The following ALPK2 variants were observed in gnomAD, a reference collection of about 807,000 sequenced individuals.
ALPK2 encodes the protein alpha kinase 2, also known as alpha-protein kinase 2.
A neutral mutation model predicts 163.1 loss-of-function variants in ALPK2; 127 were observed. That is an observed-to-expected ratio of 0.78 (90% CI 0.67 to 0.90). ALPK2 has a LOEUF of 0.90. Ranked by LOEUF, ALPK2 falls within the 40% of genes least tolerant of loss-of-function variation. The probability of loss-of-function intolerance (pLI) is 0.00; values close to 1 mark genes in which losing one functional copy is unlikely to be tolerated. For synonymous variants in ALPK2, 953 were observed against 959.1 expected (o/e 0.99, Z 0.12); for missense variants, 2,360 against 2,589.6 (o/e 0.91, Z 1.92).
At chr18:58,551,410 T>G (rs2051759469) in intron 4 of ALPK2, among the ~76,000 whole-genome samples, 1 of 152,214 alleles carries the variant, frequency 6.6e-6, no homozygotes. Flanking sequence ...CCATCTTCCC[T>G]CTATATCTTT....
intron 1 of ALPK2, among the ~76,000 whole-genome samples, chr18:58,618,364 T>G (rs1046407826): frequency 6.6e-5 from 10 of 152,186 alleles, no homozygotes; most frequent in Non-Finnish European, 1.0e-4. Flanking sequence ...CACATTTTAA[T>G]AGCTACTCTA....
chr18:58,498,328 C>T (rs553591955), intron 11 of ALPK2, among the ~76,000 whole-genome samples: 27 of 152,294 alleles, frequency 1.8e-4, no homozygotes, highest in Middle Eastern at 3.4e-3. Flanking sequence ...GCCCTCTCGG[C>T]TCTGGAAATG....
At chr18:58,589,668 AC>A (rs1485080992) in intron 3 of ALPK2, among the ~76,000 whole-genome samples, 1 of 152,194 alleles carries the variant, frequency 6.6e-6, no homozygotes, top group Non-Finnish European at 1.5e-5. Flanking sequence ...TGCTCATCCT[AC>A]CCTAAGGGTC....
At chr18:58,510,513 A>G (rs1237729022) in intron 10 of ALPK2, among the ~76,000 whole-genome samples, 1 of 152,074 alleles carries the variant, frequency 6.6e-6, no homozygotes, top group African/African-American at 2.4e-5. Context: ...CTTCCTACCT[A>G]TGAGCATGGA....
In ALPK2 at chr18:58,579,774, A is replaced by G. The variant is rs770265182; in HGVS notation, c.1002T>C (p.Asp334=). 26 of 1,614,070 alleles carry G rather than the reference A, an allele frequency of 1.6e-5. No homozygotes were observed. The highest frequency in any genetic ancestry group is 2.0e-5 in the Non-Finnish European group (24 of 1,180,036). The change falls in exon 4 of 13, where the codon GAT becomes GAC. Residue 334 remains aspartate, a synonymous_variant. Coordinates refer to ENST00000361673, the MANE Select transcript of ALPK2 (RefSeq NM_052947.4). ...DDDLEYLECS[D]VMTDYSNAVW... is the part of the protein sequence containing the mutation. The stretch of plus-strand genomic sequence containing the variant: ...CTGCATTAGAGTAATCCGTCATAAC[A>G]TCAGAACATTCCAGATACTCCAGGT...
chr18:58,504,305 G>A (rs1183657301), intron 10 of ALPK2, among the ~76,000 whole-genome samples, 157 bp from the exon 11 acceptor site: 1 of 152,180 alleles, frequency 6.6e-6, no homozygotes, highest in Non-Finnish European at 1.5e-5. Context: ...TTTTTAGTGG[G>A]TAAGATATGT....
At chr18:58,515,287 CG>C (rs891017884) in intron 9 of ALPK2, among the ~76,000 whole-genome samples, 26 of 152,192 alleles carry the variant, frequency 1.7e-4, no homozygotes, top group African/African-American at 6.3e-4. Flanking sequence ...AGGAACTGTC[CG>C]GGTGGAGATC....
chr18:58,522,230 C>T (rs1300025195), intron 8 of ALPK2, among the ~76,000 whole-genome samples: 3 of 152,152 alleles, frequency 2.0e-5, no homozygotes, highest in Non-Finnish European at 4.4e-5. Context: ...GAGCTGATGA[C>T]GGGCGGCTCT....
chr18:58,591,885 G>A (rs1218403729), intron 3 of ALPK2, among the ~76,000 whole-genome samples: 2 of 152,194 alleles, frequency 1.3e-5, no homozygotes, highest in African/African-American at 2.4e-5. Context: ...GGGAAAGTGA[G>A]GCTGGCCCAG....
chr18:58,557,168 G>A (rs997806349), intron 4 of ALPK2: 3 of 152,342 alleles, frequency 2.0e-5, no homozygotes, highest in Non-Finnish European at 4.4e-5. Context: ...CTGCCCAGCA[G>A]GGCTGGCCAC....
At chr18:58,625,770 C>G (rs2052226554) in intron 1 of ALPK2, among the ~76,000 whole-genome samples, 1 of 152,174 alleles carries the variant, frequency 6.6e-6, no homozygotes, top group African/African-American at 2.4e-5. Flanking sequence ...AGGGCTGGCC[C>G]TTGAGAGGGA....
intron 10 of ALPK2, among the ~76,000 whole-genome samples, chr18:58,509,248 A>G (rs1438941303): frequency 2.6e-5 from 4 of 152,112 alleles, no homozygotes; most frequent in East Asian, 1.9e-4. Flanking sequence ...ATTCCATGGT[A>G]TATATGTGCC....
intron 4 of ALPK2, 59 bp from the exon 5 acceptor site, chr18:58,538,283 A>T: frequency 1.4e-6 from 2 of 1,424,992 alleles, no homozygotes; most frequent in Non-Finnish European, 1.9e-6. Flanking sequence ...ACAATAGGGC[A>T]TAACTGCAAT....
chr18:58,498,177 G>T, intron 11 of ALPK2, 80 bp from the exon 12 acceptor site: 1 of 1,347,058 alleles, frequency 7.4e-7, no homozygotes, highest in South Asian at 1.2e-5. Flanking sequence ...CCCCAGGGAA[G>T]GGGTAATGAC....
At position 58,607,413 on chromosome 18, in the gene ALPK2, A is replaced by G. The variant is rs759564147; in HGVS notation, c.136T>C (p.Tyr46His). ...SGQPKPEVTWYKNGQAIDGSG... is the reference protein window; with the variant it reads ...SGQPKPEVTWHKNGQAIDGSG... ...CCATCGATGGCCTGACCATTCTTAT[A>G]CCAAGTTACCTCTGGCTTGGGCTGA... The change falls in exon 3 of 13, where the codon TAT becomes CAT. Residue 46 changes from tyrosine (Y) to histidine (H), a missense_variant. By Grantham distance (83) the Tyr-to-His change is moderately conservative. Transcript: ENST00000361673. The G allele has an allele frequency of 1.4e-5, 23 of 1,613,136 alleles. No homozygotes were observed. The highest frequency in any genetic ancestry group is 1.9e-5 in the Non-Finnish European group (23 of 1,179,628).
Position 58,537,563 on chromosome 18 carries a change from G to T in ALPK2, c.2624C>A (p.Thr875Lys), listed in dbSNP as rs201127471. 6.2e-7 allele frequency: 1 copy of T among 1,614,008 alleles called. No homozygotes were observed. The highest frequency in any genetic ancestry group is 8.5e-7 in the Non-Finnish European group (1 of 1,179,926). Residue 875 changes from threonine to lysine, a missense_variant, in exon 5 of 13, where the codon ACG (threonine) becomes AAG (lysine). By Grantham distance (78) the Thr-to-Lys change is moderately conservative. Coordinates refer to ENST00000361673, the MANE Select transcript of ALPK2 (RefSeq NM_052947.4). ...QTQVSETSVS[T>K]CKSSKDGNSV... ...GTTGCCGTCCTTGCTGCTTTTGCACGTAGACACTGAAGTCTCAGACACTTG... is the reference window on the plus strand; with the variant it reads ...GTTGCCGTCCTTGCTGCTTTTGCACTTAGACACTGAAGTCTCAGACACTTG...
At chr18:58,487,701 G>C (rs995439267) in intron 12 of ALPK2, among the ~76,000 whole-genome samples, 2 of 151,986 alleles carry the variant, frequency 1.3e-5, no homozygotes, top group Non-Finnish European at 2.9e-5. Context: ...ACAATGTCCA[G>C]AATTGGAACA....
At chr18:58,508,703 C>A (rs1380344255) in intron 10 of ALPK2, among the ~76,000 whole-genome samples, 1 of 152,044 alleles carries the variant, frequency 6.6e-6, no homozygotes, top group Non-Finnish European at 1.5e-5. Flanking sequence ...AACCAGCAGC[C>A]CTTGGGGCTG....
chr18:58,519,274 T>C (rs2051537365), intron 8 of ALPK2, among the ~76,000 whole-genome samples: 2 of 152,234 alleles, frequency 1.3e-5, no homozygotes, highest in Non-Finnish European at 2.9e-5. Context: ...GGGAATGCTT[T>C]TCTGTATCCC....
Sources: allele counts gnomAD v4.1 joint callset (sites outside exome capture counted in the v4.1 genomes callset), GRCh38; gene constraint gnomAD v4.1.1; transcripts MANE v1.5; gene names NCBI Gene and HGNC (gene_info 2026-07-23, HGNC 2026-07-21).